Variants in ANAPC1 observed in about 807,000 individuals in gnomAD.
ANAPC1 encodes the protein anaphase promoting complex subunit 1.
In ANAPC1, 36 loss-of-function variants were observed where a neutral mutation model predicts 208.0. The observed-to-expected ratio is 0.17, with a 90% CI of 0.13 to 0.23. The LOEUF (loss-of-function observed/expected upper bound fraction) is 0.23. ANAPC1 is among the 10% of genes least tolerant of loss of function. ANAPC1 has a pLI of 1.00. For missense variants in ANAPC1, 942 were observed against 2,011.6 expected (o/e 0.47, Z 10.17); for synonymous variants, 378 against 695.2 (o/e 0.54, Z 7.18).
intron 1 of ANAPC1, among the ~76,000 whole-genome samples, chr2:111,883,547 A>G (rs75400558): frequency 1.3e-4 from 20 of 152,072 alleles, no homozygotes; most frequent in Middle Eastern, 3.4e-3. Context: ...AAAAAAAAAA[A>G]AGAGACCCAA....
chr2:111,853,860 G>C (rs1681548626), intron 13 of ANAPC1, among the ~76,000 whole-genome samples: 2 of 152,030 alleles, frequency 1.3e-5, no homozygotes, highest in South Asian at 4.2e-4. Context: ...GGAACTACAG[G>C]CACCCGCCAC....
rs763125767 is a variant in ANAPC1 at position 111,858,358 on chromosome 2, G to C, written c.1306C>G (p.Leu436Val). Residue 436 changes from leucine (L) to valine (V), a missense_variant, in exon 11 of 48, where the codon CTA becomes GTA. Transcript: ENST00000341068. ...AAGCACAGGAACTTTTGCCCACATAGGTCAGATGTAATAAACACTTTTGAG... is the reference window on the plus strand; with the variant it reads ...AAGCACAGGAACTTTTGCCCACATACGTCAGATGTAATAAACACTTTTGAG... The part of the protein sequence containing the change: ...QASKVFITSD[L>V]CGQKFLCFLV... 1 of 1,613,740 alleles carries C rather than the reference G, an allele frequency of 6.2e-7. No homozygotes were observed. Among genetic ancestry groups the C allele is most frequent in the Admixed American group, 1.7e-5 (1 of 60,008 alleles).
intron 46 of ANAPC1, among the ~76,000 whole-genome samples, chr2:111,774,277 T>A (rs1188405518): frequency 2.9e-5 from 3 of 104,782 alleles, no homozygotes; most frequent in Non-Finnish European, 5.8e-5. Flanking sequence ...AAGTGTGCTA[T>A]GACAAAGTCA....
Position 111,768,278 on chromosome 2 carries a change from G to A in ANAPC1, c.*1013C>T, listed in dbSNP as rs1409175644. The A allele has an allele frequency of 1.3e-5, 2 of 152,116 alleles. No individual in the cohort carries two copies. The highest frequency in any genetic ancestry group is 2.9e-5 in the Non-Finnish European group (2 of 68,038). 9.4% of individuals were successfully genotyped at this position (152,116 alleles called of 1,614,324 possible). On this transcript the variant is annotated 3_prime_UTR_variant, in exon 48 of 48. Transcript: ENST00000341068. ...CCCTCCTTTTATAGACATACATTCTGTAAATCTTAGGTAAATATGGATTGT... is the reference window on the plus strand; with the variant it reads ...CCCTCCTTTTATAGACATACATTCTATAAATCTTAGGTAAATATGGATTGT...
chr2:111,864,767 C>T (rs754110011), intron 8 of ANAPC1, 39 bp downstream of exon 8: 119 of 1,608,840 alleles, frequency 7.4e-5, no homozygotes, highest in Non-Finnish European at 9.7e-5. Flanking sequence ...CCAGCCTACC[C>T]TTTCCTATTA....
Position 111,792,489 on chromosome 2 carries a change from C to T in ANAPC1, c.4585G>A (p.Gly1529Ser), listed in dbSNP as rs1399112012. 1.2e-6 allele frequency: 2 copies of T among 1,613,886 alleles called. No homozygotes were observed. The highest frequency in any genetic ancestry group is 1.1e-5 in the South Asian group (1 of 91,068). ...VLLSLAMVMA[G>S]SGNLKVLQLC... is the part of the protein sequence containing the mutation. ...TGCAAAACCTTTAGGTTTCCTGAGC[C>T]AGCCATGACCATGGCGAGAGACAGC... The change falls in exon 38 of 48, where the codon GGC becomes AGC. Residue 1529 changes from glycine to serine, a missense_variant. Physicochemically the swap from Gly to Ser is moderately conservative, Grantham distance 56 (BLOSUM62 0). Coordinates refer to ENST00000341068, the MANE Select transcript of ANAPC1 (RefSeq NM_022662.4).
chr2:111,775,657 CCT>C (rs1306296251), intron 46 of ANAPC1, among the ~76,000 whole-genome samples: 1 of 151,972 alleles, frequency 6.6e-6, no homozygotes, highest in African/African-American at 2.4e-5. Flanking sequence ...CAATCAGGGC[CCT>C]GTTTTAGAGA....
chr2:111,843,869 G>C (rs1420668650), intron 16 of ANAPC1, among the ~76,000 whole-genome samples: 1 of 120,820 alleles, frequency 8.3e-6, no homozygotes, highest in Non-Finnish European at 1.6e-5. Context: ...CTGTTGCCCA[G>C]GCTGGAGTGC....
chr2:111,796,631 T>G (rs1252516271), intron 34 of ANAPC1, among the ~76,000 whole-genome samples: 1 of 148,436 alleles, frequency 6.7e-6, no homozygotes, highest in Non-Finnish European at 1.5e-5. Context: ...GCACCCTGTA[T>G]GTAAAGCTTT....
Position 111,831,339 on chromosome 2 carries a change from G to A in ANAPC1, c.2572C>T (p.Pro858Ser), listed in dbSNP as rs781660125. ...VSSCLKGEGM[P>S]PYPYLPGICE... ...ATTCCAGGGAGGTAAGGATAAGGTGGCATTCCTTCACCCTTCAGACAAGAA... is the reference window on the plus strand; with the variant it reads ...ATTCCAGGGAGGTAAGGATAAGGTGACATTCCTTCACCCTTCAGACAAGAA... Residue 858 changes from proline to serine, a missense_variant, in exon 21 of 48, where the codon CCA becomes TCA. Pro to Ser is a moderately conservative substitution (Grantham distance 74, BLOSUM62 -1). Transcript: ENST00000341068. 7 of 1,611,764 alleles carry A rather than the reference G, an allele frequency of 4.3e-6. No individual in the cohort carries two copies. The highest frequency in any genetic ancestry group is 5.9e-6 in the Non-Finnish European group (7 of 1,179,838).
intron 21 of ANAPC1, among the ~76,000 whole-genome samples, chr2:111,830,192 A>G (rs1277187511): frequency 2.6e-5 from 4 of 152,246 alleles, no homozygotes; most frequent in Admixed American, 6.6e-5. Context: ...AGACAGCCAC[A>G]AAGATCAATG....
intron 2 of ANAPC1, 168 bp downstream of exon 2, chr2:111,880,445 A>AC (rs1683243779): frequency 8.4e-7 from 1 of 1,183,472 alleles, no homozygotes; most frequent in African/African-American, 1.6e-5. Flanking sequence ...AGTCGCTATG[A>AC]CAATGTAATA....
At chr2:111,875,503 T>C (rs1296864038) in intron 3 of ANAPC1, among the ~76,000 whole-genome samples, 1 of 152,198 alleles carries the variant, frequency 6.6e-6, no homozygotes, top group African/African-American at 2.4e-5. Context: ...CATCTCCCTC[T>C]GCTTTATCAC....
intron 38 of ANAPC1, among the ~76,000 whole-genome samples, chr2:111,791,530 G>T (rs1197198929): frequency 6.6e-6 from 1 of 152,142 alleles, no homozygotes; most frequent in Non-Finnish European, 1.5e-5. Flanking sequence ...CAATGGGGGA[G>T]ATCAATAAAA....
At position 111,831,826 on chromosome 2, in the gene ANAPC1, C is replaced by CCAA. The variant is rs1553425748; in HGVS notation, c.2477-393_2477-392insTTG. Among the ~76,000 whole-genome samples the CCAA allele has an allele frequency of 8.5e-3, 245 of 28,970 alleles. 57 individuals carry two copies. Among genetic ancestry groups the CCAA allele is most frequent in the Middle Eastern group, 0.065 (3 of 46 alleles). 19.0% of individuals were successfully genotyped at this position (28,970 alleles called of 152,430 possible). A position where few individuals can be genotyped will look rare whatever the true frequency, so the allele number is the denominator to read the frequency against. On this transcript the variant is annotated intron_variant, in intron 20 of 47. Coordinates refer to ENST00000341068, the MANE Select transcript of ANAPC1 (RefSeq NM_022662.4). ...TAAGAGACAGAGCGAGACTCTGTCT[C>CCAA]AAAAAAAAAAAAAAAAAAAAGAATA...
chr2:111,867,943 C>T, intron 7 of ANAPC1, 80 bp downstream of exon 7: 2 of 842,122 alleles, frequency 2.4e-6, no homozygotes, highest in Non-Finnish European at 3.7e-6. Context: ...AGTCAGTTTT[C>T]ATATAAGCGC....
intron 17 of ANAPC1, among the ~76,000 whole-genome samples, chr2:111,840,903 C>T (rs1453007153): frequency 6.6e-6 from 1 of 152,040 alleles, no homozygotes; most frequent in Non-Finnish European, 1.5e-5. Flanking sequence ...ATTAGCCAGG[C>T]GTGGAGGTAC....
chr2:111,799,515 G>T (rs571353042), intron 34 of ANAPC1, among the ~76,000 whole-genome samples: 284 of 150,990 alleles, frequency 1.9e-3, no homozygotes, highest in Admixed American at 3.4e-3. Flanking sequence ...AATCCAAAAT[G>T]CTCAAAATCC....
intron 39 of ANAPC1, among the ~76,000 whole-genome samples, chr2:111,787,853 G>T (rs867283998): frequency 1.4e-5 from 2 of 142,038 alleles, no homozygotes; most frequent in Non-Finnish European, 3.1e-5. Flanking sequence ...TACAGACATT[G>T]CCACTAAATC....
Sources: gnomAD v4.1 joint callset for allele counts (sites outside exome capture counted in the v4.1 genomes callset) on GRCh38, gnomAD v4.1.1 for gene constraint, MANE v1.5 for transcripts, NCBI Gene and HGNC (gene_info 2026-07-23, HGNC 2026-07-21) for gene names.